The following ABCC2 variants were observed in gnomAD, a reference collection of about 807,000 sequenced individuals.
The protein encoded by ABCC2 is ATP binding cassette subfamily C member 2.
Under a neutral mutation model 173.4 loss-of-function variants are expected in ABCC2, and 157 were observed. The ratio of observed to expected loss-of-function variants is 0.91; its 90% CI spans 0.80 to 1.03. The LOEUF is 1.03. ABCC2 is among the 50% of genes least tolerant of loss of function. The pLI is 0.00. For missense variants in ABCC2, 1,822 were observed against 1,852.3 expected, an observed-to-expected ratio of 0.98 and a Z score of 0.30; for synonymous variants, 657 against 693.5, an observed-to-expected ratio of 0.95 and a Z score of 0.83.
At chr10:99,784,570 A>G in intron 1 of ABCC2, 38 bp from the exon 2 acceptor site, 2 of 1,611,272 alleles carry the variant, frequency 1.2e-6, no homozygotes, top group Non-Finnish European at 8.5e-7. Context: ...TGTCTTCACA[A>G]TGCATGTATG....
At chr10:99,832,155 G>A (rs763713762) in intron 23 of ABCC2, 24 bp downstream of exon 23, 3 of 1,614,104 alleles carry the variant, frequency 1.9e-6, no homozygotes, top group South Asian at 1.1e-5. Context: ...GAACTGTCAG[G>A]TGGTGTGTTT....
intron 9 of ABCC2, 36 bp downstream of exon 9, chr10:99,800,599 C>G (rs1411977772): frequency 6.2e-7 from 1 of 1,608,638 alleles, no homozygotes; most frequent in Admixed American, 1.7e-5. Context: ...CAAAGAAAAT[C>G]CCCTCAGTAA....
At chr10:99,789,382 C>T (rs1423234508) in intron 2 of ABCC2, 2 of 151,962 alleles carry the variant, frequency 1.3e-5, no homozygotes, top group Admixed American at 1.3e-4. Flanking sequence ...ATAAGGCAGG[C>T]TTTGGAGACA....
intron 7 of ABCC2, 33 bp from the exon 8 acceptor site, chr10:99,799,174 T>C (rs2037969424): frequency 6.2e-7 from 1 of 1,613,148 alleles, no homozygotes; most frequent in East Asian, 2.2e-5. Flanking sequence ...CAGACATAAC[T>C]CTGTGGACAC....
At chr10:99,842,125 T>A in intron 26 of ABCC2, 32 bp downstream of exon 26, 13 of 1,613,790 alleles carry the variant, frequency 8.1e-6, no homozygotes, top group Non-Finnish European at 1.1e-5. Context: ...TTGGTTTCGT[T>A]AGTGTGCTTA....
rs769296980 is a variant in ABCC2 at position 99,850,780 on chromosome 10, A to G, written c.4492A>G (p.Ile1498Val). Residue 1498 changes from isoleucine to valine, a missense_variant, in exon 31 of 32, where the codon ATC becomes GTC. Transcript: ENST00000647814. ...CACCATCGCCCACAGGCTGCACACC[A>G]TCATGGACAGTGACAAGTGAGTGTA... ...VITIAHRLHT[I>V]MDSDKVMVLD... The G allele has an allele frequency of 6.2e-7, 1 of 1,614,164 alleles. No homozygotes were observed. Among genetic ancestry groups the G allele is most frequent in the South Asian group, 1.1e-5 (1 of 91,088 alleles).
intron 8 of ABCC2, among the ~76,000 whole-genome samples, chr10:99,799,710 T>A (rs569957221): frequency 4.6e-5 from 7 of 152,248 alleles, no homozygotes; most frequent in African/African-American, 1.7e-4. Flanking sequence ...CATCTCTCCA[T>A]CGCAGCCTTC....
intron 19 of ABCC2, 21 bp downstream of exon 19, chr10:99,819,290 C>T: frequency 6.2e-7 from 1 of 1,608,484 alleles, no homozygotes; most frequent in Middle Eastern, 1.7e-4. Context: ...AGGATTGGGA[C>T]AAGATAGAAC....
chr10:99,802,926 G>T (rs955200239), intron 9 of ABCC2, among the ~76,000 whole-genome samples: 24 of 152,180 alleles, frequency 1.6e-4, no homozygotes, highest in African/African-American at 5.8e-4. Context: ...CAGGCATCTA[G>T]ATAGTGCCTG....
chr10:99,808,254 C>A (rs2038147882), intron 13 of ABCC2, 25 bp downstream of exon 13: 1 of 1,613,312 alleles, frequency 6.2e-7, no homozygotes, highest in South Asian at 1.1e-5. Context: ...TCACTGCTAA[C>A]TCCCTGTCTC....
At chr10:99,830,674 T>C (rs755669934) in intron 20 of ABCC2, 42 bp from the exon 21 acceptor site, 3 of 1,613,678 alleles carry the variant, frequency 1.9e-6, no homozygotes, top group South Asian at 2.2e-5. Flanking sequence ...AAGAAGACCC[T>C]TGGGAATTGC....
At position 99,817,354 on chromosome 10, in the gene ABCC2, C is replaced by T. The variant is rs2038439293; in HGVS notation, c.2141C>T (p.Thr714Ile). The change falls in exon 17 of 32, where the codon ACC becomes ATC. Residue 714 changes from threonine (T) to isoleucine (I), a missense_variant. Coordinates refer to ENST00000647814, the MANE Select transcript of ABCC2 (RefSeq NM_000392.5). ...CAGCAGTCCTGGATTCAGAATGGCACCATAAAGGACAACATCCTTTTTGGA... is the reference window on the plus strand; with the variant it reads ...CAGCAGTCCTGGATTCAGAATGGCATCATAAAGGACAACATCCTTTTTGGA... Reference protein sequence around the residue: ...VPQQSWIQNGTIKDNILFGTE... With the variant: ...VPQQSWIQNGIIKDNILFGTE... The T allele has an allele frequency of 6.2e-7, 1 of 1,614,116 alleles. No individual in the cohort carries two copies. Among genetic ancestry groups the T allele is most frequent in the Admixed American group, 1.7e-5 (1 of 60,002 alleles).
chr10:99,809,772 A>T (rs965340135), intron 13 of ABCC2, among the ~76,000 whole-genome samples: 1 of 152,160 alleles, frequency 6.6e-6, no homozygotes, highest in African/African-American at 2.4e-5. Flanking sequence ...CTTAGTTAGG[A>T]TGCTGGGTGG....
chr10:99,822,363 C>A (rs1047424389), intron 19 of ABCC2, among the ~76,000 whole-genome samples: 1 of 151,582 alleles, frequency 6.6e-6, no homozygotes, highest in Non-Finnish European at 1.5e-5. Flanking sequence ...TGGTGGATGG[C>A]AACTTCATCT....
chr10:99,814,434 T>TATACAC (rs1554850776), intron 16 of ABCC2, among the ~76,000 whole-genome samples: 1 of 123,530 alleles, frequency 8.1e-6, no homozygotes, highest in African/African-American at 3.2e-5. Flanking sequence ...CATATATGTG[T>TATACAC]ATACACACAT....
At position 99,834,457 on chromosome 10, in the gene ABCC2, C is replaced by A. The variant is rs748266151; in HGVS notation, c.3336C>A (p.Thr1112=). 5 of 1,614,136 alleles carry A rather than the reference C, an allele frequency of 3.1e-6. No homozygotes were observed. The highest frequency in any genetic ancestry group is 3.4e-6 in the Non-Finnish European group (4 of 1,180,004). ...CATGCTTCCTGGGGATAATCAGCAC[C>A]CTTGTCATGATCTGCATGGCCACTC... is the stretch of plus-strand genomic sequence containing the variant. ...WITCFLGIIS[T]LVMICMATPV... is the part of the protein sequence containing the mutation. Residue 1112 remains threonine (T), a synonymous_variant, in exon 24 of 32, where the codon ACC becomes ACA. Transcript: ENST00000647814.
At chr10:99,844,080 A>T (rs1294032916) in intron 27 of ABCC2, among the ~76,000 whole-genome samples, 180 bp downstream of exon 27, 1 of 152,144 alleles carries the variant, frequency 6.6e-6, no homozygotes, top group African/African-American at 2.4e-5. Flanking sequence ...GGTTTAGGGG[A>T]TGTCGGGTCT....
At chr10:99,843,553 C>G (rs965809926) in intron 26 of ABCC2, among the ~76,000 whole-genome samples, 7 of 152,188 alleles carry the variant, frequency 4.6e-5, no homozygotes, top group Admixed American at 1.3e-4. Context: ...AGCTTTAGTC[C>G]CAAACCACTA....
intron 25 of ABCC2, among the ~76,000 whole-genome samples, chr10:99,840,431 C>T (rs1198783050): frequency 7.6e-4 from 112 of 146,540 alleles, no homozygotes; most frequent in African/African-American, 2.5e-3. Context: ...GACCCCAGCC[C>T]GCGGCGCCTT....
Sources: gnomAD v4.1 joint callset for allele counts (sites outside exome capture counted in the v4.1 genomes callset) on GRCh38, gnomAD v4.1.1 for gene constraint, MANE v1.5 for transcripts, NCBI Gene and HGNC (gene_info 2026-07-23, HGNC 2026-07-21) for gene names.